LIG3: variants seen among roughly 807,000 people sequenced by gnomAD.
LIG3 encodes ligase II, DNA, ATP-dependent.
LIG3 carries 58 observed loss-of-function variants against 110.9 expected under a neutral mutation model. That is an observed-to-expected ratio of 0.52 (90% confidence interval 0.42 to 0.65). LIG3 has a LOEUF of 0.65. Ranked by LOEUF, LIG3 falls within the 30% of genes least tolerant of loss-of-function variation. The probability of loss-of-function intolerance (pLI) is 0.00; values close to 1 mark genes in which losing one functional copy is unlikely to be tolerated. For missense variants in LIG3, 1,094 were observed against 1,273.8 expected, an observed-to-expected ratio of 0.86 and a Z score of 2.15; for synonymous variants, 422 against 472.8, an observed-to-expected ratio of 0.89 and a Z score of 1.39.
Position 34,994,410 on chromosome 17 carries a change from C to A in LIG3, c.1590C>A (p.Leu530=). Residue 530 remains leucine, a synonymous_variant, in exon 9 of 20, where the codon CTC becomes CTA. Coordinates refer to ENST00000378526, the MANE Select transcript of LIG3 (RefSeq NM_013975.4). The stretch of plus-strand genomic sequence containing the variant: ...ACTTCAGCTACTTCAGCCGCAGTCT[C>A]AAGCCCGTCCTTCCTCACAAGGTAT... The part of the protein sequence containing the change: ...GDHFSYFSRS[L]KPVLPHKVAH... 1 of 1,614,102 alleles carries A rather than the reference C, an allele frequency of 6.2e-7. No individual in the cohort carries two copies. The highest frequency in any genetic ancestry group is 1.1e-5 in the South Asian group (1 of 91,066).
rs1433738872 is a variant in LIG3, at chr17:34,989,519, C to T, written c.745C>T (p.Leu249=). The T allele has an allele frequency of 1.9e-6, 3 of 1,614,068 alleles. No individual in the cohort carries two copies. The highest frequency in any genetic ancestry group is 1.7e-5 in the Admixed American group (1 of 60,008). ...APSSPTPKRS[L]SSSKCDPRHK... ...CTCGAGCCCCACCCCTAAGAGAAGT[C>T]TGTCTTCAAGCAAATGTGACCCCAG... Residue 249 remains leucine (L), a synonymous_variant, in exon 4 of 20, where the codon CTG becomes TTG. Transcript: ENST00000378526.
chr17:34,986,935 T>C (rs942082706), intron 3 of LIG3, among the ~76,000 whole-genome samples: 1 of 152,176 alleles, frequency 6.6e-6, no homozygotes. Flanking sequence ...ATCTGAAGGA[T>C]ATTGCTATTT....
At chr17:35,001,007 C>T (rs1257956902) in intron 16 of LIG3, among the ~76,000 whole-genome samples, 2 of 152,030 alleles carry the variant, frequency 1.3e-5, no homozygotes, top group Non-Finnish European at 2.9e-5. Context: ...TGGGTTCAAG[C>T]GATTCTCATA....
chr17:34,992,432 G>C (rs942353224), intron 7 of LIG3, 92 bp from the exon 8 acceptor site: 1 of 1,302,172 alleles, frequency 7.7e-7, no homozygotes, highest in African/African-American at 1.5e-5. Context: ...CTACAGATGA[G>C]GATTTCTTCT....
chr17:35,002,634 C>T (rs146412417), intron 18 of LIG3, 34 bp from the exon 19 acceptor site: 16,094 of 1,599,618 alleles, frequency 0.01, 189 homozygotes, highest in Admixed American at 0.054. Flanking sequence ...TATAGGTGTG[C>T]ACCACCACAC....
At chr17:34,991,426 T>C (rs2090719808) in intron 5 of LIG3, 1 of 574,174 alleles carries the variant, frequency 1.7e-6, no homozygotes, top group African/African-American at 1.9e-5. Flanking sequence ...TTGCTTGTTT[T>C]CTCCTATAAC....
At chr17:34,996,801 A>G in intron 11 of LIG3, 148 bp downstream of exon 11, 2 of 688,762 alleles carry the variant, frequency 2.9e-6, no homozygotes, top group Admixed American at 2.3e-5. Context: ...GCCAAAGGCA[A>G]TGGCAAGAGG....
chr17:34,982,899 G>A, intron 1 of LIG3, 103 bp from the exon 2 acceptor site: 1 of 808,186 alleles, frequency 1.2e-6, no homozygotes, highest in Non-Finnish European at 1.9e-6. Context: ...TGTTTGATTA[G>A]TCATCATGGA....
At chr17:34,997,945 G>C in intron 12 of LIG3, 120 bp downstream of exon 12, 2 of 799,098 alleles carry the variant, frequency 2.5e-6, no homozygotes, top group Non-Finnish European at 4.2e-6. Flanking sequence ...TCCTGATAAT[G>C]TTGGCCTTTG....
chr17:34,999,640 C>T, intron 15 of LIG3, 142 bp from the exon 16 acceptor site: 1 of 1,049,850 alleles, frequency 9.5e-7, no homozygotes, highest in Non-Finnish European at 1.4e-6. Context: ...GCCTCTAGGT[C>T]ATACCCACTC....
rs754184841 is a variant in LIG3, at chr17:35,005,597, T to G, written c.*1091T>G. 1.7e-6 allele frequency: 1 copy of G among 579,520 alleles called. No homozygotes were observed. The highest frequency in any genetic ancestry group is 3.5e-6 in the Non-Finnish European group (1 of 288,554). 35.9% of individuals were successfully genotyped at this position (579,520 alleles called of 1,614,324 possible). The stretch of plus-strand genomic sequence containing the variant: ...ACAATGGGAGGTTTAGGTTTCATAA[T>G]GCTGGACCAGTCGAATGCACCAAAT... On this transcript the variant is annotated 3_prime_UTR_variant, in exon 20 of 20. Transcript: ENST00000378526.
chr17:35,004,011 A>G (rs1437987256), intron 19 of LIG3: 4 of 473,430 alleles, frequency 8.4e-6, no homozygotes, highest in African/African-American at 2.0e-5. Context: ...TCTTATACAC[A>G]TGTACTCTTC....
chr17:35,004,578 G>A lies in LIG3; in HGVS notation c.*72G>A, dbSNP rs1235389224. ...CTACTGGACTGGACTCAGGCTGGAG[G>A]CAGATAGACACAGTATAGGGGGAAT... On this transcript the variant is annotated 3_prime_UTR_variant, in exon 20 of 20. Transcript: ENST00000378526. 1 of 1,284,686 alleles carries A rather than the reference G, an allele frequency of 7.8e-7. No homozygotes were observed. Among genetic ancestry groups the A allele is most frequent in the Non-Finnish European group, 1.1e-6 (1 of 891,928 alleles). 79.6% of individuals were successfully genotyped at this position (1,284,686 alleles called of 1,614,324 possible).
intron 19 of LIG3, chr17:35,003,257 G>T: frequency 8.6e-7 from 1 of 1,160,856 alleles, no homozygotes; most frequent in Non-Finnish European, 1.2e-6. Context: ...CCTTTTCCCT[G>T]TTACATTTTC....
intron 3 of LIG3, among the ~76,000 whole-genome samples, chr17:34,987,742 A>G (rs1247243332): frequency 6.6e-6 from 1 of 152,146 alleles, no homozygotes; most frequent in Non-Finnish European, 1.5e-5. Flanking sequence ...ACAGGCAGCA[A>G]TATATAGATT....
Position 35,006,534 on chromosome 17 carries a change from T to TAGTTATC in LIG3, c.*2029_*2035dup, listed in dbSNP as rs577727901. The TAGTTATC allele has an allele frequency of 2.2e-4, 34 of 152,354 alleles. No individual in the cohort carries two copies. The highest frequency in any genetic ancestry group is 3.4e-3 in the Middle Eastern group (1 of 294). The allele number at this position is 152,354 out of a possible 1,614,324, so 9.4% of individuals were successfully genotyped here. On this transcript the variant is annotated 3_prime_UTR_variant, in exon 20 of 20. Coordinates refer to ENST00000378526, the MANE Select transcript of LIG3 (RefSeq NM_013975.4). ...AGCACTTAGCCCAGAGCCTAGCACA[T>TAGTTATC]AGTTATCTAGAGTTGGGAACGTCAC...
chr17:34,984,074 C>G (rs868134599), intron 2 of LIG3, among the ~76,000 whole-genome samples: 1 of 152,120 alleles, frequency 6.6e-6, no homozygotes, highest in Non-Finnish European at 1.5e-5. Flanking sequence ...GACCCTTATG[C>G]GACTATAATA....
chr17:34,991,209 C>A, intron 5 of LIG3, 95 bp downstream of exon 5: 1 of 1,242,186 alleles, frequency 8.1e-7, no homozygotes. Context: ...GGTTGGGACA[C>A]ATACTGTTTT....
At position 34,991,813 on chromosome 17, in the gene LIG3, A is replaced by T; in HGVS notation, c.1184A>T (p.Gln395Leu). ...SKLTKEDEQQ[Q>L]ALQDIASRCT... Reference sequence around the variant, plus strand: ...CTCACCAAGGAGGATGAGCAGCAACAGGCCCTACAGGACATTGCCTCCAGG... The same window carrying T: ...CTCACCAAGGAGGATGAGCAGCAACTGGCCCTACAGGACATTGCCTCCAGG... Residue 395 changes from glutamine (Q) to leucine (L), a missense_variant, in exon 6 of 20, where the codon CAG (glutamine) becomes CTG (leucine). Transcript: ENST00000378526. 1 of 1,614,102 alleles carries T rather than the reference A, an allele frequency of 6.2e-7. No individual in the cohort carries two copies. The highest frequency in any genetic ancestry group is 8.5e-7 in the Non-Finnish European group (1 of 1,180,006).
Sources: allele counts gnomAD v4.1 joint callset (sites outside exome capture counted in the v4.1 genomes callset), GRCh38; gene constraint gnomAD v4.1.1; transcripts MANE v1.5; gene names NCBI Gene and HGNC (gene_info 2026-07-23, HGNC 2026-07-21).